The following CCT5 variants were observed in gnomAD, a reference collection of about 807,000 sequenced individuals.
CCT5 encodes the protein T-complex protein 1 subunit epsilon.
A neutral mutation model predicts 55.0 loss-of-function variants in CCT5; 6 were observed. That is an observed-to-expected ratio of 0.11 (90% CI 0.06 to 0.22). The LOEUF (loss-of-function observed/expected upper bound fraction) is 0.22, where lower values mean the gene tolerates loss of function less well. CCT5 is among the 10% of genes least tolerant of loss of function. The pLI, the probability that CCT5 is intolerant of heterozygous loss-of-function variation, is 1.00. For missense variants in CCT5, 560 were observed against 694.6 expected (o/e 0.81, Z 2.18); for synonymous variants, 231 against 243.7 (o/e 0.95, Z 0.49).
chr5:10,252,830 G>A (rs1745493833), intron 1 of CCT5, among the ~76,000 whole-genome samples: 2 of 152,038 alleles, frequency 1.3e-5, no homozygotes, highest in African/African-American at 2.4e-5. Context: ...CCACGTTGCC[G>A]AGCAGTAGGG....
At position 10,258,150 on chromosome 5, in the gene CCT5, G is replaced by A; in HGVS notation, c.570G>A (p.Val190=). The change falls in exon 5 of 11, where the codon GTG becomes GTA. Residue 190 remains valine (V), a synonymous_variant. Transcript: ENST00000280326. ...ACCGACAGATGGCTGAGATTGCTGT[G>A]AATGCCGTCCTCACTGTAGCAGATA... is the stretch of plus-strand genomic sequence containing the variant. ...SCHRQMAEIA[V]NAVLTVADME... is the part of the protein sequence containing the mutation. 6.2e-7 allele frequency: 1 copy of A among 1,614,226 alleles called. No homozygotes were observed. Among genetic ancestry groups the A allele is most frequent in the Non-Finnish European group, 8.5e-7 (1 of 1,180,036 alleles).
chr5:10,250,266 C>A (rs994604870), upstream of CCT5: 2 of 1,605,782 alleles, frequency 1.2e-6, no homozygotes, highest in African/African-American at 1.3e-5. Flanking sequence ...TGGGCCCTCC[C>A]GAGAAAGGGA....
intron 8 of CCT5, 97 bp downstream of exon 8, chr5:10,261,842 A>G (rs1420483571): frequency 8.4e-6 from 8 of 948,638 alleles, no homozygotes; most frequent in Non-Finnish European, 1.4e-5. Context: ...AGTCACCATA[A>G]GAAAAATAAT....
chr5:10,255,025 G>C, intron 3 of CCT5, 187 bp downstream of exon 3: 1 of 617,232 alleles, frequency 1.6e-6, no homozygotes, highest in African/African-American at 1.8e-5. Context: ...AACAGAAAGA[G>C]GGCTGGGGAT....
chr5:10,250,796 G>T, intron 1 of CCT5: 2 of 1,163,036 alleles, frequency 1.7e-6, no homozygotes, highest in Non-Finnish European at 2.1e-6. Context: ...GGAGGGCGCC[G>T]GGGAGATGCT....
At chr5:10,263,530 T>C (rs1746082405) in intron 10 of CCT5, among the ~76,000 whole-genome samples, 1 of 152,210 alleles carries the variant, frequency 6.6e-6, no homozygotes, top group Non-Finnish European at 1.5e-5. Flanking sequence ...AACAGTAAAG[T>C]GCATATGGTA....
At position 10,258,121 on chromosome 5, in the gene CCT5, T is replaced by C. The variant is rs1745773958; in HGVS notation, c.541T>C (p.Cys181Arg). 1.2e-6 allele frequency: 2 copies of C among 1,614,220 alleles called. No individual in the cohort carries two copies. The highest frequency in any genetic ancestry group is 4.5e-5 in the East Asian group (2 of 44,884). Residue 181 changes from cysteine to arginine, a missense_variant, in exon 5 of 11, where the codon TGT becomes CGT. Coordinates refer to ENST00000280326, the MANE Select transcript of CCT5 (RefSeq NM_012073.5). ...TTLGSKVVNS[C>R]HRQMAEIAVN... ...TGGTGTTTTCCTCAGGGTCAACAGT[T>C]GTCACCGACAGATGGCTGAGATTGC...
chr5:10,256,579 A>G (rs1260211790), intron 4 of CCT5, among the ~76,000 whole-genome samples: 1 of 152,024 alleles, frequency 6.6e-6, no homozygotes. Flanking sequence ...CAGGCATGGT[A>G]GCACACACTT....
upstream of CCT5, chr5:10,250,251 G>T: frequency 1.9e-6 from 3 of 1,596,282 alleles, no homozygotes; most frequent in Non-Finnish European, 2.6e-6. Flanking sequence ...GCGTGCGCAA[G>T]CTTTTGGGCC....
rs1281378101 is a variant in CCT5 at position 10,261,936 on chromosome 5, T to C, written c.1179+191T>C. ...GTTAATTTCACAAGGCACATTTGCC[T>C]TTCTGCTGTCCCTTAGAGTATACAA... On this transcript the variant is annotated intron_variant, in intron 8 of 10. Coordinates refer to ENST00000280326, the MANE Select transcript of CCT5 (RefSeq NM_012073.5). 3.5e-5 allele frequency: 23 copies of C among 663,176 alleles called. 1 individual carries two copies. The East Asian group carries it at 6.8e-4, about 20-fold the overall frequency. The allele number at this position is 663,176 out of a possible 1,614,324, so 41.1% of individuals were successfully genotyped here.
chr5:10,263,286 C>T lies in CCT5; in HGVS notation c.1470C>T (p.Gly490=). 1 of 1,613,700 alleles carries T rather than the reference C, an allele frequency of 6.2e-7. No individual in the cohort carries two copies. Among genetic ancestry groups the T allele is most frequent in the East Asian group, 2.2e-5 (1 of 44,868 alleles). The part of the protein sequence containing the change: ...RQVKEMNPAL[G]IDCLHKGTND... ...TGAAGGAGATGAACCCTGCTCTTGG[C>T]ATCGACTGTTTGCACAAGGGGACAA... Residue 490 remains glycine (G), a synonymous_variant, in exon 10 of 11, where the codon GGC becomes GGT. Transcript: ENST00000280326.
At position 10,250,418 on chromosome 5, in the gene CCT5, C is replaced by G; in HGVS notation, c.78C>G (p.Ser26=). 1 of 1,613,904 alleles carries G rather than the reference C, an allele frequency of 6.2e-7. No individual in the cohort carries two copies. The highest frequency in any genetic ancestry group is 8.5e-7 in the Non-Finnish European group (1 of 1,180,042). Residue 26 remains serine (S), a synonymous_variant, in exon 1 of 11, where the codon TCC becomes TCG. Coordinates refer to ENST00000280326, the MANE Select transcript of CCT5 (RefSeq NM_012073.5). ...TCATCAAGGATCAGGACCGCAAGTCCCGTCTTATGGGACTTGAGGCCCTCA... is the reference window on the plus strand; with the variant it reads ...TCATCAAGGATCAGGACCGCAAGTCGCGTCTTATGGGACTTGAGGCCCTCA... ...FLIIKDQDRK[S]RLMGLEALKS... is the part of the protein sequence containing the mutation.
At chr5:10,252,614 CAAAA>C (rs35768596) in intron 1 of CCT5, among the ~76,000 whole-genome samples, 2 of 119,950 alleles carry the variant, frequency 1.7e-5, no homozygotes, top group Non-Finnish European at 1.6e-5. Context: ...GACTCCGTCT[CAAAA>C]AAAAAAAAAA....
chr5:10,259,640 TGGGGATGC>T (rs1745857461), intron 6 of CCT5, among the ~76,000 whole-genome samples: 1 of 152,038 alleles, frequency 6.6e-6, no homozygotes, highest in South Asian at 2.1e-4. Context: ...TGAGGACAGA[TGGGGATGC>T]TCCTGAGCCA....
intron 6 of CCT5, among the ~76,000 whole-genome samples, chr5:10,259,088 C>G (rs772964033): frequency 1.3e-5 from 2 of 152,218 alleles, no homozygotes; most frequent in Non-Finnish European, 2.9e-5. Context: ...CCGTCCTGGA[C>G]AAATTTAACT....
chr5:10,252,939 A>C (rs1745500604), intron 1 of CCT5, among the ~76,000 whole-genome samples: 1 of 151,988 alleles, frequency 6.6e-6, no homozygotes, highest in Admixed American at 6.5e-5. Context: ...TAATAATAAT[A>C]ATAATTCTAT....
chr5:10,261,577 A>G lies in CCT5; in HGVS notation c.1011A>G (p.Thr337=). The change falls in exon 8 of 11, where the codon ACA becomes ACG. Residue 337 remains threonine, a synonymous_variant. Transcript: ENST00000280326. The part of the protein sequence containing the change: ...GPEIELIAIA[T]GGRIVPRFSE... ...CCAATTAGCTGATTGCCATCGCAAC[A>G]GGAGGGCGGATCGTCCCCAGGTTCT... 6.2e-7 allele frequency: 1 copy of G among 1,614,176 alleles called. No homozygotes were observed. The highest frequency in any genetic ancestry group is 8.5e-7 in the Non-Finnish European group (1 of 1,180,014).
intron 7 of CCT5, 38 bp from the exon 8 acceptor site, chr5:10,261,522 G>A (rs1745958240): frequency 2.5e-6 from 4 of 1,603,012 alleles, no homozygotes; most frequent in Non-Finnish European, 3.4e-6. Context: ...AACTTCACCA[G>A]TACTGTCTTC....
rs538514397 is a variant in CCT5, at chr5:10,255,715, C to T, written c.332-240C>T. Among the ~76,000 whole-genome samples the T allele has an allele frequency of 9.2e-5, 14 of 152,238 alleles. No individual in the cohort carries two copies. In the South Asian group the frequency reaches 2.1e-3, roughly 23 times the overall value. ...CTTTTTACATTATATTCTTTAGTTA[C>T]GTTCTTCACATCACTGAGGGTTGAA... On this transcript the variant is annotated intron_variant, in intron 3 of 10. Transcript: ENST00000280326.
Sources: gnomAD v4.1 joint callset for allele counts (sites outside exome capture counted in the v4.1 genomes callset) on GRCh38, gnomAD v4.1.1 for gene constraint, MANE v1.5 for transcripts, NCBI Gene and HGNC (gene_info 2026-07-23, HGNC 2026-07-21) for gene names.